Variants in C4orf51 observed in about 807,000 individuals in gnomAD.
C4orf51 encodes the protein uncharacterized protein C4orf51.
C4orf51 carries 25 observed loss-of-function variants against 25.2 expected under a neutral mutation model. The ratio of observed to expected loss-of-function variants is 0.99; its 90% confidence interval spans 0.72 to 1.39. C4orf51 has a LOEUF of 1.39. C4orf51 is among the 40% of genes most tolerant of loss of function. The pLI is 0.00. For synonymous variants in C4orf51, 100 were observed against 84.5 expected (o/e 1.18, Z -1.01); for missense variants, 252 against 239.6 (o/e 1.05, Z -0.34).
chr4:145,757,211 T>C (rs1734011943), downstream of C4orf51, among the ~76,000 whole-genome samples: 2 of 152,264 alleles, frequency 1.3e-5, no homozygotes, highest in South Asian at 4.1e-4. Flanking sequence ...CATACCATTT[T>C]TCCACTCATT....
chr4:145,772,525 A>C (rs1184045829), downstream of C4orf51, among the ~76,000 whole-genome samples: 1 of 152,206 alleles, frequency 6.6e-6, no homozygotes, highest in Non-Finnish European at 1.5e-5. Flanking sequence ...TGTTTTTATA[A>C]ATAAAGTTTT....
intron 1 of C4orf51, among the ~76,000 whole-genome samples, chr4:145,744,184 G>A (rs573248085): frequency 4.6e-5 from 7 of 152,170 alleles, no homozygotes; most frequent in African/African-American, 7.2e-5. Context: ...CATGGTTAGC[G>A]TGGAGGGGGA....
chr4:145,708,894 AAG>A (rs1361958342), intron 2 of C4orf51, among the ~76,000 whole-genome samples: 1 of 152,218 alleles, frequency 6.6e-6, no homozygotes, highest in African/African-American at 2.4e-5. Context: ...TTTAAGTAAA[AAG>A]AGGCCTGCTT....
At chr4:145,732,139 C>G (rs1187677360) in intron 5 of C4orf51, among the ~76,000 whole-genome samples, 2 of 152,200 alleles carry the variant, frequency 1.3e-5, no homozygotes, top group Non-Finnish European at 2.9e-5. Flanking sequence ...GCAGAGCATT[C>G]ACATCCAGGA....
chr4:145,720,842 C>T (rs982538357), intron 2 of C4orf51, among the ~76,000 whole-genome samples: 2 of 152,156 alleles, frequency 1.3e-5, no homozygotes, highest in East Asian at 1.9e-4. Flanking sequence ...TCACTGCTCT[C>T]ACCCTCCTTC....
the C4orf51 span, among the ~76,000 whole-genome samples, chr4:145,786,593 C>T: frequency 6.6e-6 from 1 of 152,132 alleles, no homozygotes; most frequent in South Asian, 2.1e-4. Context: ...TTAAAACCTA[C>T]CAGGTCATTT....
the C4orf51 span, among the ~76,000 whole-genome samples, chr4:145,781,679 A>G: frequency 2.0e-5 from 3 of 152,200 alleles, no homozygotes; most frequent in Middle Eastern, 6.3e-3. Flanking sequence ...GAGGACAAGA[A>G]CTACTCTTAA....
chr4:145,787,464 G>GAAA, the C4orf51 span, among the ~76,000 whole-genome samples: 72 of 83,220 alleles, frequency 8.7e-4, no homozygotes, highest in African/African-American at 2.7e-3. Context: ...TCCGTCTCAG[G>GAAA]AAAAAAAAAA....
chr4:145,754,362 G>T (rs981337528), downstream of C4orf51: 17 of 152,178 alleles, frequency 1.1e-4, no homozygotes, highest in African/African-American at 4.1e-4. Context: ...CCTGCTATAA[G>T]AAACCATTTA....
chr4:145,680,289 A>G lies in C4orf51; in HGVS notation c.86A>G (p.Lys29Arg). Residue 29 changes from lysine to arginine, a missense_variant, in exon 1 of 6, where the codon AAG (lysine) becomes AGG (arginine). Coordinates refer to ENST00000438731, the MANE Select transcript of C4orf51 (RefSeq NM_001080531.3). ...TSQEFDLIRR[K>R]AGASWQDETR... Reference sequence around the variant, plus strand: ...CAAGAGTTTGATCTGATCAGACGCAAGGCTGGAGCATCTTGGCAGGATGAA... The same window carrying G: ...CAAGAGTTTGATCTGATCAGACGCAGGGCTGGAGCATCTTGGCAGGATGAA... 1 of 1,614,014 alleles carries G rather than the reference A, an allele frequency of 6.2e-7. No homozygotes were observed. Among genetic ancestry groups the G allele is most frequent in the Non-Finnish European group, 8.5e-7 (1 of 1,179,876 alleles).
the C4orf51 span, among the ~76,000 whole-genome samples, chr4:145,778,141 G>GT: frequency 6.6e-5 from 10 of 150,866 alleles, no homozygotes; most frequent in Admixed American, 1.3e-4. Flanking sequence ...AAAACTTTTT[G>GT]TTTTTTTTTG....
At chr4:145,693,976 C>T (rs1259682868) in intron 1 of C4orf51, among the ~76,000 whole-genome samples, 12 of 139,670 alleles carry the variant, frequency 8.6e-5, no homozygotes, top group Admixed American at 7.7e-4. Flanking sequence ...AGAGGCTCCT[C>T]ACCTCTCAGA....
intron 1 of C4orf51, among the ~76,000 whole-genome samples, chr4:145,695,782 T>A (rs1318390458): frequency 6.6e-6 from 1 of 152,110 alleles, no homozygotes; most frequent in Non-Finnish European, 1.5e-5. Flanking sequence ...CAATGACAGG[T>A]TGTAAAAAGA....
chr4:145,680,147 A>G lies in C4orf51; in HGVS notation c.-57A>G. On this transcript the variant is annotated 5_prime_UTR_variant, in exon 1 of 6. Transcript: ENST00000438731. ...GCTTCCTGCTACTAGAAGGAAATTAATTCTTCATTATGCAGAGGACTTGAC... is the reference window on the plus strand; with the variant it reads ...GCTTCCTGCTACTAGAAGGAAATTAGTTCTTCATTATGCAGAGGACTTGAC... 1 of 1,308,672 alleles carries G rather than the reference A, an allele frequency of 7.6e-7. No homozygotes were observed. Among genetic ancestry groups the G allele is most frequent in the Non-Finnish European group, 1.1e-6 (1 of 905,380 alleles). The allele number at this position is 1,308,672 out of a possible 1,614,324, so 81.1% of individuals were successfully genotyped here. A position where few individuals can be genotyped will look rare whatever the true frequency, so the allele number is the denominator to read the frequency against.
rs549863678 is a variant in C4orf51, at chr4:145,726,508, C to T, written c.308-403C>T. On this transcript the variant is annotated intron_variant, in intron 2 of 5. Coordinates refer to ENST00000438731, the MANE Select transcript of C4orf51 (RefSeq NM_001080531.3). ...CTTCCACTTCCCAGGCTCAGGCAAT[C>T]CTCCTGCCTTAGCCTCCCTGGTAGC... Among the ~76,000 whole-genome samples the T allele has an allele frequency of 3.3e-5, 5 of 152,236 alleles. No homozygotes were observed. The South Asian group carries it at 1.0e-3, about 32-fold the overall frequency.
chr4:145,781,195 C>CAAAAAAAAAAAAAAAAAAA, the C4orf51 span, among the ~76,000 whole-genome samples: 45 of 56,552 alleles, frequency 8.0e-4, no homozygotes, highest in South Asian at 2.2e-3. Context: ...GACACCATCT[C>CAAAAAAAAAAAAAAAAAAA]AAAAAAAAAA....
At chr4:145,746,117 C>T (rs1405757684) in intron 1 of C4orf51, among the ~76,000 whole-genome samples, 1 of 152,082 alleles carries the variant, frequency 6.6e-6, no homozygotes, top group African/African-American at 2.4e-5. Flanking sequence ...ATTCTGATTA[C>T]TAATCCCTTG....
At chr4:145,697,371 T>C (rs1267091516) in intron 2 of C4orf51, among the ~76,000 whole-genome samples, 1 of 152,134 alleles carries the variant, frequency 6.6e-6, no homozygotes. Context: ...GTTCTGGGAT[T>C]ACAAGCGTAA....
At chr4:145,757,234 T>A (rs1235881829), downstream of C4orf51, among the ~76,000 whole-genome samples, 1 of 152,254 alleles carries the variant, frequency 6.6e-6, no homozygotes, top group Non-Finnish European at 1.5e-5. Context: ...AATCTCATAG[T>A]TGCCCAACTT....
Sources: gnomAD v4.1 joint callset for allele counts (sites outside exome capture counted in the v4.1 genomes callset) on GRCh38, gnomAD v4.1.1 for gene constraint, MANE v1.5 for transcripts, NCBI Gene and HGNC (gene_info 2026-07-23, HGNC 2026-07-21) for gene names.